NTN1: variants seen among roughly 807,000 people sequenced by gnomAD.
The protein encoded by NTN1 is netrin 1, also known as netrin-1.
Under a neutral mutation model 54.2 loss-of-function variants are expected in NTN1, and 11 were observed. The ratio of observed to expected loss-of-function variants is 0.20; its 90% CI spans 0.13 to 0.34. The LOEUF is 0.34. NTN1 is among the 10% of genes least tolerant of loss of function. The pLI, the probability that NTN1 is intolerant of heterozygous loss-of-function variation, is 1.00. For synonymous variants in NTN1, 371 were observed against 382.0 expected, an observed-to-expected ratio of 0.97 and a Z score of 0.33; for missense variants, 740 against 893.1, an observed-to-expected ratio of 0.83 and a Z score of 2.18.
At chr17:9,054,548 C>T (rs2091972237) in intron 2 of NTN1, among the ~76,000 whole-genome samples, 1 of 152,156 alleles carries the variant, frequency 6.6e-6, no homozygotes, top group South Asian at 2.1e-4. Flanking sequence ...AAAAAGTTTC[C>T]CCCATACAGT....
Position 9,179,976 on chromosome 17 carries a change from C to CT in NTN1, c.1357+24dup, listed in dbSNP as rs1300008142. The CT allele has an allele frequency of 1.0e-5, 16 of 1,602,978 alleles. No homozygotes were observed. Among genetic ancestry groups the CT allele is most frequent in the Non-Finnish European group, 1.3e-5 (15 of 1,174,868 alleles). ...GCATAAGTATGTGTGGGGCACCCTG[C>CT]TTTTCAAGTCTCTGGCTTTGTGGGG... is the stretch of plus-strand genomic sequence containing the variant. On this transcript the variant is annotated intron_variant, in intron 4 of 6. Transcript: ENST00000173229.
the NTN1 span, among the ~76,000 whole-genome samples, chr17:9,005,320 T>A: frequency 6.6e-6 from 1 of 152,170 alleles, no homozygotes; most frequent in African/African-American, 2.4e-5. Context: ...TAAAGTGACT[T>A]GCAGTTGTCA....
In NTN1 at chr17:9,222,036, A is replaced by C. The variant is rs117751236; in HGVS notation, c.1486+794A>C. 1.8e-3 allele frequency among the ~76,000 whole-genome samples: 275 copies of C among 152,320 alleles called. 1 individual carries two copies. Among genetic ancestry groups the C allele is most frequent in the Non-Finnish European group, 3.5e-3 (237 of 67,996 alleles). On this transcript the variant is annotated intron_variant, in intron 6 of 6. Coordinates refer to ENST00000173229, the MANE Select transcript of NTN1 (RefSeq NM_004822.3). Reference sequence around the variant, plus strand: ...AGCTGACCACTGGCAAGGCCCCCGCATACAGCCAGGGCATCCATGTGGGTG... The same window carrying C: ...AGCTGACCACTGGCAAGGCCCCCGCCTACAGCCAGGGCATCCATGTGGGTG...
chr17:9,170,150 C>T (rs1567727635), intron 3 of NTN1, among the ~76,000 whole-genome samples: 3 of 152,120 alleles, frequency 2.0e-5, no homozygotes, highest in Admixed American at 6.6e-5. Context: ...GTTCAGGCTC[C>T]ACCTCTGGAG....
intron 2 of NTN1, among the ~76,000 whole-genome samples, chr17:9,082,220 C>T (rs923091834): frequency 2.6e-4 from 40 of 152,180 alleles, no homozygotes; most frequent in African/African-American, 8.2e-4. Flanking sequence ...CCACCACATC[C>T]GGCTAATTTT....
chr17:9,046,889 AC>A (rs1373832682), intron 2 of NTN1, among the ~76,000 whole-genome samples: 5 of 152,182 alleles, frequency 3.3e-5, no homozygotes, highest in African/African-American at 1.2e-4. Flanking sequence ...ACACGAACAC[AC>A]CTTACAGATA....
intron 6 of NTN1, among the ~76,000 whole-genome samples, chr17:9,227,694 GAC>G (rs1419087136): frequency 5.4e-5 from 5 of 92,030 alleles, no homozygotes; most frequent in Non-Finnish European, 8.2e-5. Context: ...CACTTATACA[GAC>G]ACACGTATCA....
intron 2 of NTN1, among the ~76,000 whole-genome samples, chr17:9,031,349 C>T (rs2091887826): frequency 6.6e-6 from 1 of 152,082 alleles, no homozygotes; most frequent in Admixed American, 6.6e-5. Flanking sequence ...TTGGGGCGGC[C>T]GTGGTGAGTA....
chr17:9,171,014 C>T (rs1007508058), intron 3 of NTN1: 2 of 152,214 alleles, frequency 1.3e-5, no homozygotes, highest in African/African-American at 4.8e-5. Flanking sequence ...CGGGGCTCCC[C>T]TCCCCCCAAC....
chr17:9,163,400 C>T (rs918841272), intron 3 of NTN1, among the ~76,000 whole-genome samples: 3 of 150,250 alleles, frequency 2.0e-5, no homozygotes, highest in Non-Finnish European at 3.0e-5. Context: ...ACCGTTGGGA[C>T]AAAGGACTCT....
intron 2 of NTN1, among the ~76,000 whole-genome samples, chr17:9,060,699 C>T (rs970739962): frequency 9.2e-5 from 14 of 151,986 alleles, no homozygotes; most frequent in African/African-American, 2.9e-4. Context: ...GTAGGCAGCC[C>T]GGGTGCAGTG....
chr17:9,042,152 C>T (rs1324324510), intron 2 of NTN1, among the ~76,000 whole-genome samples: 1 of 152,098 alleles, frequency 6.6e-6, no homozygotes, highest in African/African-American at 2.4e-5. Flanking sequence ...CCCTTGAAAA[C>T]ACTTACTATC....
intron 6 of NTN1, among the ~76,000 whole-genome samples, chr17:9,238,095 G>A (rs1057106415): frequency 3.3e-5 from 5 of 152,194 alleles, no homozygotes; most frequent in Admixed American, 6.5e-5. Flanking sequence ...ATGTGTGGGT[G>A]CAGGGGGGTG....
intron 2 of NTN1, among the ~76,000 whole-genome samples, chr17:9,138,553 A>C (rs2092288133): frequency 6.6e-6 from 1 of 152,178 alleles, no homozygotes; most frequent in African/African-American, 2.4e-5. Context: ...GGGAGATGGA[A>C]GCCAGACAGA....
chr17:9,177,159 A>T (rs2092402281), intron 3 of NTN1: 1 of 152,228 alleles, frequency 6.6e-6, no homozygotes, highest in Non-Finnish European at 1.5e-5. Context: ...AGATTTGGAA[A>T]CCCAGGAGCA....
chr17:9,043,622 G>A (rs897232766), intron 2 of NTN1, among the ~76,000 whole-genome samples: 1 of 151,312 alleles, frequency 6.6e-6, no homozygotes, highest in Admixed American at 6.6e-5. Context: ...TGTTGCCCAG[G>A]CTGGAATGCA....
chr17:9,008,162 G>A, the NTN1 span, among the ~76,000 whole-genome samples: 1 of 151,600 alleles, frequency 6.6e-6, no homozygotes, highest in South Asian at 2.1e-4. Flanking sequence ...CATTATTGAT[G>A]CTCATTAACA....
intron 6 of NTN1, among the ~76,000 whole-genome samples, chr17:9,235,445 G>GCC (rs1905953404): frequency 6.8e-6 from 1 of 147,970 alleles, no homozygotes; most frequent in Non-Finnish European, 1.5e-5. Flanking sequence ...AGGGACAGTG[G>GCC]GAGTTCAGGC....
the NTN1 span, among the ~76,000 whole-genome samples, chr17:9,012,363 T>G: frequency 6.6e-6 from 1 of 151,958 alleles, no homozygotes; most frequent in African/African-American, 2.4e-5. Context: ...GTACAAAAAT[T>G]AGCTGGGCGT....
Sources: gnomAD v4.1 joint callset for allele counts (sites outside exome capture counted in the v4.1 genomes callset) on GRCh38, gnomAD v4.1.1 for gene constraint, MANE v1.5 for transcripts, NCBI Gene and HGNC (gene_info 2026-07-23, HGNC 2026-07-21) for gene names.